Variants in PIK3C2G observed in about 807,000 individuals in gnomAD.
PIK3C2G encodes phosphatidylinositol 3-kinase C2 domain-containing subunit gamma.
In PIK3C2G, 168 loss-of-function variants were observed where a neutral mutation model predicts 181.1. That is an observed-to-expected ratio of 0.93 (90% CI 0.82 to 1.05). The LOEUF (loss-of-function observed/expected upper bound fraction) is 1.05. PIK3C2G is among the 50% of genes least tolerant of loss of function. The probability of loss-of-function intolerance (pLI) is 0.00; values close to 1 mark genes in which losing one functional copy is unlikely to be tolerated. For synonymous variants in PIK3C2G, 573 were observed against 592.2 expected, an observed-to-expected ratio of 0.97 and a Z score of 0.47; for missense variants, 1,869 against 1,732.8, an observed-to-expected ratio of 1.08 and a Z score of -1.40.
the PIK3C2G span, among the ~76,000 whole-genome samples, chr12:18,669,971 T>C: frequency 6.6e-6 from 1 of 152,034 alleles, no homozygotes; most frequent in Non-Finnish European, 1.5e-5. Context: ...CCCGGCCCTC[T>C]TCCTCTTCTT....
intron 10 of PIK3C2G, among the ~76,000 whole-genome samples, chr12:18,345,012 GT>G (rs1361874237): frequency 6.6e-5 from 10 of 152,202 alleles, no homozygotes; most frequent in African/African-American, 2.2e-4. Context: ...AAATGGCTAA[GT>G]TTTCCCCAAA....
At chr12:18,615,330 G>GGTGTGTGTGTGTGT (rs3055216) in intron 31 of PIK3C2G, among the ~76,000 whole-genome samples, 109 of 138,210 alleles carry the variant, frequency 7.9e-4, no homozygotes, top group African/African-American at 2.8e-3. Context: ...AGTATTCCAC[G>GGTGTGTGTGTGTGT]GTGTGTGTGT....
intron 13 of PIK3C2G, among the ~76,000 whole-genome samples, chr12:18,379,775 A>C (rs1942710042): frequency 6.6e-6 from 1 of 152,102 alleles, no homozygotes. Context: ...TCTCACAGGC[A>C]CCATAGACCC....
At position 18,360,422 on chromosome 12, in the gene PIK3C2G, G is replaced by A. The variant is rs181257455; in HGVS notation, c.1626-2342G>A. Reference sequence around the variant, plus strand: ...AAAGTAATTTATTTAGCACCATTACGGTATTCTGTATTTGTCTATATATTT... The same window carrying A: ...AAAGTAATTTATTTAGCACCATTACAGTATTCTGTATTTGTCTATATATTT... On this transcript the variant is annotated intron_variant, in intron 11 of 32. Coordinates refer to ENST00000538779, the MANE Select transcript of PIK3C2G (RefSeq NM_001288772.2). Among the ~76,000 whole-genome samples the A allele has an allele frequency of 3.0e-3, 461 of 151,932 alleles. 2 individuals carry two copies. Among genetic ancestry groups the A allele is most frequent in the African/African-American group, 0.011 (443 of 41,440 alleles).
intron 2 of PIK3C2G, among the ~76,000 whole-genome samples, chr12:18,284,506 G>A (rs1221281631): frequency 6.6e-6 from 1 of 152,044 alleles, no homozygotes; most frequent in African/African-American, 2.4e-5. Context: ...TTTGGCTCTC[G>A]CTCAAGAAAA....
intron 11 of PIK3C2G, among the ~76,000 whole-genome samples, chr12:18,347,246 C>A (rs919402087): frequency 2.0e-5 from 3 of 151,944 alleles, no homozygotes; most frequent in Non-Finnish European, 1.5e-5. Flanking sequence ...CACTCTGATC[C>A]CCACCAGGTT....
Position 18,645,988 on chromosome 12 carries a change from G to A in PIK3C2G, c.4309-1888G>A, listed in dbSNP as rs1045439990. On this transcript the variant is annotated intron_variant, in intron 32 of 32. Coordinates refer to ENST00000538779, the MANE Select transcript of PIK3C2G (RefSeq NM_001288772.2). ...GATGTAGGAAGAAAAATGGAGAATA[G>A]TTCAGACAGCTCAAAATACCCACTT... Among the ~76,000 whole-genome samples, 4 of 152,194 alleles carry A rather than the reference G, an allele frequency of 2.6e-5. No individual in the cohort carries two copies. The East Asian group carries it at 7.8e-4, about 30-fold the overall frequency.
At chr12:18,426,706 T>C (rs982809910) in intron 18 of PIK3C2G, among the ~76,000 whole-genome samples, 1 of 152,190 alleles carries the variant, frequency 6.6e-6, no homozygotes, top group African/African-American at 2.4e-5. Context: ...GAGTGTCATA[T>C]TTTTCTGCTT....
At chr12:18,687,518 C>T in the PIK3C2G span, among the ~76,000 whole-genome samples, 717 of 152,216 alleles carry the variant, frequency 4.7e-3, 3 homozygotes, top group Non-Finnish European at 5.5e-3. Flanking sequence ...CAGTACTATA[C>T]TGTGTAAGAT....
At chr12:18,711,529 TATA>T in the PIK3C2G span, among the ~76,000 whole-genome samples, 537 of 142,438 alleles carry the variant, frequency 3.8e-3, no homozygotes, top group Non-Finnish European at 3.9e-3. Flanking sequence ...AAACTTAAAG[TATA>T]ATAATAATAA....
chr12:18,460,767 T>C (rs1277573820), intron 18 of PIK3C2G, among the ~76,000 whole-genome samples: 1 of 151,830 alleles, frequency 6.6e-6, no homozygotes, highest in Non-Finnish European at 1.5e-5. Flanking sequence ...AAATATTTGA[T>C]AGGCCCTGTT....
At chr12:18,599,571 C>A (rs1036770276) in intron 30 of PIK3C2G, among the ~76,000 whole-genome samples, 6 of 151,714 alleles carry the variant, frequency 4.0e-5, no homozygotes, top group Admixed American at 3.9e-4. Context: ...GTGGGTGCAG[C>A]ACACCAGCAT....
At chr12:18,590,661 G>A (rs1198366772) in intron 29 of PIK3C2G, among the ~76,000 whole-genome samples, 1 of 151,924 alleles carries the variant, frequency 6.6e-6, no homozygotes, top group East Asian at 1.9e-4. Flanking sequence ...GTGAAAAAAA[G>A]CTGTGGGAGG....
the PIK3C2G span, among the ~76,000 whole-genome samples, chr12:18,679,582 C>T: frequency 6.6e-6 from 1 of 151,818 alleles, no homozygotes; most frequent in Non-Finnish European, 1.5e-5. Flanking sequence ...TAAACATTGC[C>T]TCAATGTTTC....
rs144965015 is a variant in PIK3C2G, at chr12:18,336,321, G to T, written c.1273-2105G>T. Among the ~76,000 whole-genome samples the T allele has an allele frequency of 2.7e-3, 416 of 152,078 alleles. 2 individuals carry two copies. The highest frequency in any genetic ancestry group is 5.0e-3 in the Non-Finnish European group (339 of 67,962). ...CACAGGTAGAAAGGGGCAGAACCAG[G>T]GTGTAAACAAACAGATCTTGACTTC... On this transcript the variant is annotated intron_variant, in intron 8 of 32. Transcript: ENST00000538779.
the PIK3C2G span, among the ~76,000 whole-genome samples, chr12:18,674,485 G>A: frequency 2.0e-3 from 309 of 152,140 alleles, 2 homozygotes; most frequent in African/African-American, 7.2e-3. Context: ...GAATTTTTTG[G>A]ACAAATAAAT....
chr12:18,272,723 C>A (rs996263530), intron 1 of PIK3C2G, among the ~76,000 whole-genome samples: 3 of 152,024 alleles, frequency 2.0e-5, no homozygotes, highest in Non-Finnish European at 4.4e-5. Context: ...CTAGTAAGAG[C>A]CTCTTTGAGT....
At chr12:18,339,991 T>C (rs1014914609) in intron 9 of PIK3C2G, among the ~76,000 whole-genome samples, 3 of 152,126 alleles carry the variant, frequency 2.0e-5, no homozygotes, top group Admixed American at 6.5e-5. Flanking sequence ...TTTTTCTTAA[T>C]AAGGAAACAC....
At chr12:18,691,009 A>T in the PIK3C2G span, among the ~76,000 whole-genome samples, 5 of 152,188 alleles carry the variant, frequency 3.3e-5, no homozygotes, top group African/African-American at 1.2e-4. Context: ...ATAGATATGG[A>T]GGACTGAGAC....
Sources: allele counts gnomAD v4.1 joint callset (sites outside exome capture counted in the v4.1 genomes callset), GRCh38; gene constraint gnomAD v4.1.1; transcripts MANE v1.5; gene names NCBI Gene and HGNC (gene_info 2026-07-23, HGNC 2026-07-21).